KCNN1: variants seen among roughly 807,000 people sequenced by gnomAD.
The protein encoded by KCNN1 is small conductance calcium-activated potassium channel protein 1.
KCNN1 carries 20 observed loss-of-function variants against 44.7 expected under a neutral mutation model. The observed-to-expected ratio is 0.45, with a 90% confidence interval of 0.32 to 0.65. KCNN1 has a LOEUF of 0.65. Among genes scored for constraint, KCNN1 ranks in the 30% least tolerant of loss-of-function variants. The probability of loss-of-function intolerance (pLI) is 0.05; values close to 1 mark genes in which losing one functional copy is unlikely to be tolerated. For missense variants in KCNN1, 632 were observed against 785.3 expected (o/e 0.80, Z 2.33); for synonymous variants, 324 against 341.7 (o/e 0.95, Z 0.57).
chr19:17,981,851 C>G lies in KCNN1; in HGVS notation c.641C>G (p.Ala214Gly). 1 of 1,612,680 alleles carries G rather than the reference C, an allele frequency of 6.2e-7. No homozygotes were observed. The highest frequency in any genetic ancestry group is 8.5e-7 in the Non-Finnish European group (1 of 1,179,376). Residue 214 changes from alanine (A) to glycine (G), a missense_variant, in exon 4 of 10, where the codon GCC (alanine) becomes GGC (glycine). This residue lies in a region of KCNN1 where 160 missense variants were observed against 308.3 expected (regional missense o/e 0.52). Coordinates refer to ENST00000684775, the MANE Select transcript of KCNN1 (RefSeq NM_001386974.1). ...CGCTTCACGTGGACGGCGCGGCTGG[C>G]CTTCACGTACGCGCCCTCGGTGGCC... ...HYRFTWTARL[A>G]FTYAPSVAEA...
intron 5 of KCNN1, among the ~76,000 whole-genome samples, chr19:17,987,922 C>T (rs2032655251): frequency 6.6e-6 from 1 of 151,090 alleles, no homozygotes; most frequent in Non-Finnish European, 1.5e-5. Flanking sequence ...GCGGGTGGAT[C>T]ACCTGTCAGG....
intron 2 of KCNN1, among the ~76,000 whole-genome samples, chr19:17,956,757 G>T (rs2031552696): frequency 6.6e-6 from 1 of 151,520 alleles, no homozygotes; most frequent in South Asian, 2.1e-4. Flanking sequence ...AAGAAAGCGA[G>T]AAAGAGAGAA....
chr19:17,982,680 G>C, intron 4 of KCNN1: 1 of 835,492 alleles, frequency 1.2e-6, no homozygotes, highest in South Asian at 5.4e-5. Flanking sequence ...CGCAAGGGGA[G>C]GGAGGCAGGG....
rs774495537 is a variant in KCNN1 at position 17,981,972 on chromosome 19, C to T, written c.762C>T (p.Asp254=). ...VMLLHSKIFT[D]ASSRSIGALN... is the part of the protein sequence containing the mutation. ...TACTGCACAGCAAAATCTTCACGGA[C>T]GCCTCGAGCCGCAGCATCGGGGCCC... The change falls in exon 4 of 10, where the codon GAC becomes GAT. Residue 254 remains aspartate, a synonymous_variant. Transcript: ENST00000684775. 6.8e-6 allele frequency: 11 copies of T among 1,606,934 alleles called. No individual in the cohort carries two copies. The highest frequency in any genetic ancestry group is 2.5e-6 in the Non-Finnish European group (3 of 1,177,386).
At chr19:17,963,834 TC>T (rs1283170193), upstream of KCNN1, among the ~76,000 whole-genome samples, 4 of 152,116 alleles carry the variant, frequency 2.6e-5, no homozygotes, top group South Asian at 6.2e-4. Flanking sequence ...CGAGCGATCT[TC>T]CTGCCTCAGC....
intron 2 of KCNN1, among the ~76,000 whole-genome samples, chr19:17,961,436 AAAAG>A (rs1568445408): frequency 6.6e-6 from 1 of 151,870 alleles, no homozygotes; most frequent in African/African-American, 2.4e-5. Context: ...AAAGAAAAGA[AAAAG>A]AAACAGGAGA....
In KCNN1 at chr19:17,973,823, C is replaced by T. The variant is rs1403094540; in HGVS notation, c.-66C>T. ...GCCCTTGCAGGTCAGTGCAGGAGCC[C>T]AGCCGCTGAGCCATGCCGGGCCCCG... On this transcript the variant is annotated 5_prime_UTR_variant, in exon 2 of 10. The change creates a premature stop within an existing upstream ORF in the 5' untranslated region. Coordinates refer to ENST00000684775, the MANE Select transcript of KCNN1 (RefSeq NM_001386974.1). The T allele has an allele frequency of 6.5e-7, 1 of 1,529,102 alleles. No individual in the cohort carries two copies. The highest frequency in any genetic ancestry group is 2.0e-5 in the Admixed American group (1 of 48,824). 94.7% of individuals were successfully genotyped at this position (1,529,102 alleles called of 1,614,324 possible). A position where few individuals can be genotyped will look rare whatever the true frequency, so the allele number is the denominator to read the frequency against.
chr19:17,974,045 C>T lies in KCNN1; in HGVS notation c.157C>T (p.Arg53Trp), dbSNP rs79880151. The stretch of plus-strand genomic sequence containing the variant: ...GGTAGTGGCCAAGAGTGAGCCAGCC[C>T]GGCCCTCACCCGGCAGCCCCCGGGG... ...QVVVAKSEPA[R>W]PSPGSPRGQP... Residue 53 changes from arginine to tryptophan, a missense_variant, in exon 2 of 10, where the codon CGG becomes TGG. Physicochemically the swap from Arg to Trp is moderately radical, Grantham distance 101 (BLOSUM62 -3). Around this residue, in one of 3 missense-constraint regions of KCNN1, gnomAD observed 235 missense variants for 224.0 expected, o/e 1.05. Transcript: ENST00000684775. The surrounding 1 kb of genome is among the most constrained non-coding windows in gnomAD (Gnocchi z 7.3). The T allele has an allele frequency of 7.5e-6, 12 of 1,609,508 alleles. No individual in the cohort carries two copies. Among genetic ancestry groups the T allele is most frequent in the East Asian group, 4.5e-5 (2 of 44,798 alleles).
At chr19:17,987,814 T>C (rs542672147) in intron 5 of KCNN1, among the ~76,000 whole-genome samples, 9 of 124,082 alleles carry the variant, frequency 7.3e-5, no homozygotes, top group African/African-American at 2.2e-4. Context: ...CTGGGCAACA[T>C]AGTGAGACCC....
upstream of KCNN1, among the ~76,000 whole-genome samples, chr19:17,963,796 G>A (rs1409434381): frequency 6.6e-6 from 1 of 151,092 alleles, no homozygotes; most frequent in Non-Finnish European, 1.5e-5. Flanking sequence ...CATGATCACA[G>A]CTCACTGTGG....
At chr19:17,992,300 T>TGG (rs2032821668) in intron 7 of KCNN1, among the ~76,000 whole-genome samples, 1 of 152,088 alleles carries the variant, frequency 6.6e-6, no homozygotes, top group African/African-American at 2.4e-5. Flanking sequence ...TCCCCTGGAC[T>TGG]GGCTTAGGTA....
At chr19:17,965,194 A>G (rs1031555612), upstream of KCNN1, among the ~76,000 whole-genome samples, 3 of 151,178 alleles carry the variant, frequency 2.0e-5, no homozygotes, top group African/African-American at 7.3e-5. Context: ...TGAACCCAGG[A>G]GGTGGAGGTT....
chr19:17,967,174 GC>G lies in KCNN1; in HGVS notation c.-221del. 1.1e-6 allele frequency: 1 copy of G among 940,974 alleles called. No homozygotes were observed. Among genetic ancestry groups the G allele is most frequent in the Non-Finnish European group, 1.3e-6 (1 of 791,670 alleles). The allele number at this position is 940,974 out of a possible 1,614,324, so 58.3% of individuals were successfully genotyped here. ...GATGCGCCTGCCGCCGCCGCCCCCG[GC>G]CCCGCCGCCCCCGGGCCCCGCGCCC... On this transcript the variant is annotated 5_prime_UTR_variant, in exon 1 of 10. The change creates a premature stop within an existing upstream ORF in the 5' untranslated region. Coordinates refer to ENST00000684775, the MANE Select transcript of KCNN1 (RefSeq NM_001386974.1).
chr19:17,997,295 G>T (rs2033032197), intron 9 of KCNN1, among the ~76,000 whole-genome samples: 1 of 152,068 alleles, frequency 6.6e-6, no homozygotes, highest in Non-Finnish European at 1.5e-5. Context: ...CTTCTTCCTA[G>T]GCAGCCATGT....
At chr19:17,953,327 G>GTCA (rs1568442806) in intron 1 of KCNN1, among the ~76,000 whole-genome samples, 8 of 152,182 alleles carry the variant, frequency 5.3e-5, no homozygotes, top group African/African-American at 1.9e-4. Context: ...CTTGGACAAG[G>GTCA]CCCTGCCCTC....
rs895882094 is a variant in KCNN1, at chr19:17,988,646, C to T, written c.1170+121C>T. On this transcript the variant is annotated intron_variant, in intron 6 of 9. Transcript: ENST00000684775. The stretch of plus-strand genomic sequence containing the variant: ...GTGCCCATGGGTTACCATGCAGCCC[C>T]GTGTCAAGACTGTGCTGGCTTTGGG... The T allele has an allele frequency of 2.4e-5, 18 of 755,322 alleles. No individual in the cohort carries two copies. In the African/African-American group the frequency reaches 2.6e-4, roughly 11 times the overall value. The allele number at this position is 755,322 out of a possible 1,614,324, so 46.8% of individuals were successfully genotyped here.
In KCNN1 at chr19:17,998,666, G is replaced by A. The variant is rs1330311230; in HGVS notation, c.*260G>A. 1 of 432,710 alleles carries A rather than the reference G, an allele frequency of 2.3e-6. No individual in the cohort carries two copies. Among genetic ancestry groups the A allele is most frequent in the African/African-American group, 2.0e-5 (1 of 48,886 alleles). 26.8% of individuals were successfully genotyped at this position (432,710 alleles called of 1,614,324 possible). ...CCCCGGTGGGCATGGAGCAGCCCGG[G>A]GAGGGGTCCGTGCTGGTTCTGAATA... On this transcript the variant is annotated 3_prime_UTR_variant, in exon 10 of 10. Transcript: ENST00000684775. This position sits in a 1 kb window ranked among gnomAD's most constrained non-coding sequence, Gnocchi z 5.4.
Position 17,974,344 on chromosome 19 carries a change from G to A in KCNN1, c.402+54G>A. 1 of 1,497,980 alleles carries A rather than the reference G, an allele frequency of 6.7e-7. No individual in the cohort carries two copies. The highest frequency in any genetic ancestry group is 1.3e-5 in the South Asian group (1 of 74,222). The allele number at this position is 1,497,980 out of a possible 1,614,324, so 92.8% of individuals were successfully genotyped here. ...AGGGAGGTTCCACCAAGCCCGCCTAGCTTTCTTGACATGGGGTTGGGGGTG... is the reference window on the plus strand; with the variant it reads ...AGGGAGGTTCCACCAAGCCCGCCTAACTTTCTTGACATGGGGTTGGGGGTG... On this transcript the variant is annotated intron_variant, in intron 2 of 9. Transcript: ENST00000684775. This position sits in a 1 kb window ranked among gnomAD's most constrained non-coding sequence, Gnocchi z 7.3.
At chr19:17,957,221 GA>G (rs1722637646) in intron 2 of KCNN1, among the ~76,000 whole-genome samples, 1 of 95,486 alleles carries the variant, frequency 1.0e-5, no homozygotes. Context: ...GAGGGGAGGG[GA>G]GGGGAGGGGA....
Sources: allele counts gnomAD v4.1 joint callset (sites outside exome capture counted in the v4.1 genomes callset), GRCh38; gene constraint gnomAD v4.1.1; regional missense constraint gnomAD v4.1.1; non-coding constraint Gnocchi (gnomAD v3.1); transcripts MANE v1.5; gene names NCBI Gene and HGNC (gene_info 2026-07-23, HGNC 2026-07-21).